Variants in COL6A2 observed in about 807,000 individuals in gnomAD.
The protein encoded by COL6A2 is collagen type VI alpha 2 chain.
Under a neutral mutation model 124.9 loss-of-function variants are expected in COL6A2, and 90 were observed. The observed-to-expected ratio is 0.72, with a 90% confidence interval of 0.61 to 0.86. COL6A2 has a LOEUF of 0.86. COL6A2 is among the 40% of genes least tolerant of loss of function. COL6A2 has a pLI of 0.00. For synonymous variants in COL6A2, 793 were observed against 618.2 expected, an observed-to-expected ratio of 1.28 and a Z score of -4.19; for missense variants, 1,607 against 1,502.5, an observed-to-expected ratio of 1.07 and a Z score of -1.15.
At chr21:46,102,642 C>A (rs1400196543) in intron 1 of COL6A2, among the ~76,000 whole-genome samples, 1 of 150,956 alleles carries the variant, frequency 6.6e-6, no homozygotes, top group Admixed American at 6.6e-5. Flanking sequence ...TCTGCATCAA[C>A]TGCAATGATC....
At position 46,112,295 on chromosome 21, in the gene COL6A2, G is replaced by T; in HGVS notation, c.432G>T (p.Gln144His). The change falls in exon 3 of 28, where the codon CAG (glutamine) becomes CAT (histidine). Residue 144 changes from glutamine (Q) to histidine (H), a missense_variant. This residue lies in a region of COL6A2 where 342 missense variants were observed against 381.5 expected (regional missense o/e 0.90). Coordinates refer to ENST00000300527, the MANE Select transcript of COL6A2 (RefSeq NM_001849.4). ...TDCALANMTE[Q>H]IRQDRSKGTV... ...GCGCGCTGGCCAACATGACGGAGCA[G>T]ATCCGGCAGGACCGCAGCAAGGGCA... 1 of 1,612,484 alleles carries T rather than the reference G, an allele frequency of 6.2e-7. No homozygotes were observed.
chr21:46,119,819 GC>G lies in COL6A2; in HGVS notation c.1304del (p.Pro435GlnfsTer110). The G allele has an allele frequency of 6.4e-7, 1 of 1,564,232 alleles. No homozygotes were observed. The highest frequency in any genetic ancestry group is 1.2e-5 in the South Asian group (1 of 85,128). ...GRRGDPGTKGSPGSDGPKGEK... is the reference protein window; with the variant it reads ...GRRGDPGTKGXPGSDGPKGEK... The stretch of plus-strand genomic sequence containing the variant: ...AGGGGAGACCCCGGCACCAAGGGCA[GC>G]CCAGGCAGCGATGGCCCCAAGGGGG... On this transcript the variant is annotated frameshift_variant, in exon 15 of 28. Coordinates refer to ENST00000300527, the MANE Select transcript of COL6A2 (RefSeq NM_001849.4). LOFTEE classifies it high-confidence loss of function.
intron 1 of COL6A2, among the ~76,000 whole-genome samples, chr21:46,106,518 C>G (rs938531528): frequency 6.6e-6 from 1 of 152,202 alleles, no homozygotes; most frequent in African/African-American, 2.4e-5. Context: ...GTATCTGGTA[C>G]ACAATTATTA....
At chr21:46,114,750 C>T (rs1407679051) in intron 5 of COL6A2, among the ~76,000 whole-genome samples, 2 of 152,172 alleles carry the variant, frequency 1.3e-5, no homozygotes, top group African/African-American at 2.4e-5. Context: ...CTGGTTTGAA[C>T]ATCCCCTGCA....
In COL6A2 at chr21:46,116,618, C is replaced by T. The variant is rs752683770; in HGVS notation, c.928-33C>T. On this transcript the variant is annotated intron_variant, in intron 8 of 27. Transcript: ENST00000300527. The surrounding 1 kb of genome is among the most constrained non-coding windows in gnomAD (Gnocchi z 4.6). ...CAGTGCCCATGATGCTTTGAGGCAC[C>T]GAGCTCACTGCGCCGGCTTTCCTCC... is the stretch of plus-strand genomic sequence containing the variant. 13 of 1,612,700 alleles carry T rather than the reference C, an allele frequency of 8.1e-6. No homozygotes were observed. The highest frequency in any genetic ancestry group is 1.7e-4 in the Middle Eastern group (1 of 6,048).
In COL6A2 at chr21:46,116,759, T is replaced by C. The variant is rs763734283; in HGVS notation, c.955-11T>C. ...GGGGCTAATGGAGTTCCCTCTTCCT[T>C]CTCTCTTCAGGGGGCCCCTGGCCTG... On this transcript the variant is annotated splice_polypyrimidine_tract_variant and intron_variant, in intron 9 of 27. Transcript: ENST00000300527. This position sits in a 1 kb window ranked among gnomAD's most constrained non-coding sequence, Gnocchi z 4.6. 6.2e-7 allele frequency: 1 copy of C among 1,612,918 alleles called. No homozygotes were observed. The highest frequency in any genetic ancestry group is 8.5e-7 in the Non-Finnish European group (1 of 1,179,984).
chr21:46,122,017 C>G, intron 18 of COL6A2, 91 bp from the exon 19 acceptor site: 1 of 1,375,866 alleles, frequency 7.3e-7, no homozygotes, highest in Non-Finnish European at 1.0e-6. Flanking sequence ...CCCACTTCCA[C>G]CCCAGTGTGC....
chr21:46,101,930 T>G, intron 1 of COL6A2, among the ~76,000 whole-genome samples: 1 of 107,324 alleles, frequency 9.3e-6, no homozygotes, highest in Non-Finnish European at 2.1e-5. Flanking sequence ...ATTCACTATT[T>G]CTGAAAAAAA....
In COL6A2 at chr21:46,132,708, G is replaced by T; in HGVS notation, c.*156G>T. ...CCTCCCACGGGGTCCCCGTAGCCCC[G>T]GCCCCCGCCCAGCCCCAGGTCTCCC... On this transcript the variant is annotated 3_prime_UTR_variant, in exon 28 of 28. Transcript: ENST00000300527. The T allele has an allele frequency of 1.3e-6, 1 of 752,182 alleles. No individual in the cohort carries two copies. The highest frequency in any genetic ancestry group is 2.2e-6 in the Non-Finnish European group (1 of 463,452). 46.6% of individuals were successfully genotyped at this position (752,182 alleles called of 1,614,324 possible). A position where few individuals can be genotyped will look rare whatever the true frequency, so the allele number is the denominator to read the frequency against.
At chr21:46,129,025 C>G in intron 27 of COL6A2, 1 of 1,603,190 alleles carries the variant, frequency 6.2e-7, no homozygotes, top group Non-Finnish European at 8.5e-7. Flanking sequence ...ACTGCCCCCA[C>G]GCCTCCTGCC....
Position 46,120,730 on chromosome 21 carries a change from T to C in COL6A2, c.1395+153T>C, listed in dbSNP as rs555165429. ...AGGTAAGGGGGGCCCAGGTGAGGGC[T>C]ATACCTCAAGGTAGGGGACCCAGGC... On this transcript the variant is annotated intron_variant, in intron 16 of 27. Transcript: ENST00000300527. 7.9e-5 allele frequency among the ~76,000 whole-genome samples: 12 copies of C among 151,438 alleles called. No homozygotes were observed. The South Asian group carries it at 1.9e-3, about 24-fold the overall frequency.
chr21:46,121,630 T>TC lies in COL6A2; in HGVS notation c.1521+17dup. The TC allele has an allele frequency of 3.1e-6, 5 of 1,611,670 alleles. No homozygotes were observed. Among genetic ancestry groups the TC allele is most frequent in the Non-Finnish European group, 4.2e-6 (5 of 1,179,336 alleles). On this transcript the variant is annotated intron_variant, in intron 18 of 27. Coordinates refer to ENST00000300527, the MANE Select transcript of COL6A2 (RefSeq NM_001849.4). ...AGCCAGGCCCCAAGGTACGTGCCCC[T>TC]CCCCCAGCAGGACGTATTAGGGGTT...
intron 1 of COL6A2, among the ~76,000 whole-genome samples, chr21:46,103,750 G>A (rs960044132): frequency 6.6e-6 from 1 of 152,152 alleles, no homozygotes; most frequent in Non-Finnish European, 1.5e-5. Flanking sequence ...GGTCTGAAAA[G>A]ATATCTTGTA....
intron 1 of COL6A2, among the ~76,000 whole-genome samples, chr21:46,102,338 CAG>C (rs1329822262): frequency 6.6e-6 from 1 of 152,002 alleles, no homozygotes; most frequent in Non-Finnish European, 1.5e-5. Flanking sequence ...CATCAGTGAT[CAG>C]AGATAATTTA....
chr21:46,109,499 T>C (rs2078371805), intron 1 of COL6A2, among the ~76,000 whole-genome samples: 1 of 152,082 alleles, frequency 6.6e-6, no homozygotes, highest in South Asian at 2.1e-4. Context: ...TGGGGACCCA[T>C]CCTCTTCTGC....
At chr21:46,124,854 CAG>C in intron 22 of COL6A2, 29 bp from the exon 23 acceptor site, 2 of 1,612,794 alleles carry the variant, frequency 1.2e-6, no homozygotes, top group Non-Finnish European at 1.7e-6. Context: ...GCCTTGGCCC[CAG>C]AGTCTCAGCC....
rs752562490 is a variant in COL6A2 at position 46,121,635 on chromosome 21, C to A, written c.1521+17C>A. The A allele has an allele frequency of 1.2e-6, 2 of 1,612,378 alleles. No individual in the cohort carries two copies. The highest frequency in any genetic ancestry group is 1.7e-6 in the Non-Finnish European group (2 of 1,179,650). On this transcript the variant is annotated intron_variant, in intron 18 of 27. Transcript: ENST00000300527. ...GGCCCCAAGGTACGTGCCCCTCCCC[C>A]AGCAGGACGTATTAGGGGTTCGGGG... is the stretch of plus-strand genomic sequence containing the variant.
At chr21:46,117,488 C>T (rs2078490750) in intron 11 of COL6A2, 35 bp downstream of exon 11, 2 of 1,607,008 alleles carry the variant, frequency 1.2e-6, no homozygotes, top group African/African-American at 2.7e-5. Context: ...TCAGCCTCGG[C>T]CCAGGGGGTG....
rs752366811 is a variant in COL6A2, at chr21:46,125,585, G to A, written c.1937G>A (p.Gly646Asp). The A allele has an allele frequency of 1.3e-5, 21 of 1,612,836 alleles. No homozygotes were observed. The highest frequency in any genetic ancestry group is 1.7e-5 in the Admixed American group (1 of 60,020). ...GTCATCAACGTGGTCAACAGGCTGG[G>A]TGCCATCGCTAAGGACCCCAAGTCC... Reference protein sequence around the residue: ...NFVINVVNRLGAIAKDPKSET... With the variant: ...NFVINVVNRLDAIAKDPKSET... The change falls in exon 25 of 28, where the codon GGT (glycine) becomes GAT (aspartate). Residue 646 changes from glycine to aspartate, a missense_variant. Around this residue, in one of 3 missense-constraint regions of COL6A2, gnomAD observed 1,223 missense variants for 1,052.2 expected, o/e 1.16. Transcript: ENST00000300527.
Sources: allele counts gnomAD v4.1 joint callset (sites outside exome capture counted in the v4.1 genomes callset), GRCh38; gene constraint gnomAD v4.1.1; regional missense constraint gnomAD v4.1.1; non-coding constraint Gnocchi (gnomAD v3.1); transcripts MANE v1.5; gene names NCBI Gene and HGNC (gene_info 2026-07-23, HGNC 2026-07-21).